CDH12: variants seen among roughly 807,000 people sequenced by gnomAD.
CDH12 encodes cadherin-12.
A neutral mutation model predicts 74.1 loss-of-function variants in CDH12; 41 were observed. That is an observed-to-expected ratio of 0.55 (90% CI 0.43 to 0.72). The LOEUF is 0.72. Ranked by LOEUF, CDH12 falls within the 30% of genes least tolerant of loss-of-function variation. The probability of loss-of-function intolerance (pLI) is 0.00; values close to 1 mark genes in which losing one functional copy is unlikely to be tolerated. For synonymous variants in CDH12, 399 were observed against 355.0 expected (o/e 1.12, Z -1.39); for missense variants, 945 against 977.2 (o/e 0.97, Z 0.44).
At chr5:22,683,344 C>A (rs976092178) in intron 1 of CDH12, among the ~76,000 whole-genome samples, 2 of 151,950 alleles carry the variant, frequency 1.3e-5, no homozygotes, top group Admixed American at 1.3e-4. Context: ...TCAGTCCTCA[C>A]CGGAGGAGAT....
intron 1 of CDH12, among the ~76,000 whole-genome samples, chr5:22,813,139 T>C (rs1207739102): frequency 1.3e-5 from 2 of 152,188 alleles, no homozygotes; most frequent in African/African-American, 4.8e-5. Context: ...AAAATTTGTA[T>C]AAGATTATAA....
intron 6 of CDH12, among the ~76,000 whole-genome samples, chr5:21,901,584 T>G (rs1167333012): frequency 6.6e-6 from 1 of 152,186 alleles, no homozygotes; most frequent in Non-Finnish European, 1.5e-5. Context: ...ATTTCATACC[T>G]GCATAATAAA....
At chr5:22,347,896 C>T (rs111878399) in intron 3 of CDH12, among the ~76,000 whole-genome samples, 8,591 of 152,138 alleles carry the variant, frequency 0.056, 360 homozygotes, top group African/African-American at 0.12. Context: ...TACAGTCATT[C>T]TCCTGAGGTG....
intron 5 of CDH12, among the ~76,000 whole-genome samples, chr5:22,039,024 C>G (rs2150181409): frequency 6.6e-6 from 1 of 152,294 alleles, no homozygotes; most frequent in South Asian, 2.1e-4. Flanking sequence ...CCCCCTGCCA[C>G]TGCCCCAACA....
At chr5:22,517,914 T>A (rs183743058) in intron 1 of CDH12, among the ~76,000 whole-genome samples, 2 of 152,326 alleles carry the variant, frequency 1.3e-5, no homozygotes, top group East Asian at 3.9e-4. Flanking sequence ...AATACATTAA[T>A]GGATTACAAA....
At chr5:22,243,559 G>C (rs1192793237) in intron 3 of CDH12, among the ~76,000 whole-genome samples, 1 of 152,096 alleles carries the variant, frequency 6.6e-6, no homozygotes, top group African/African-American at 2.4e-5. Context: ...TTGAAGACTA[G>C]ATTATTTTAG....
intron 2 of CDH12, among the ~76,000 whole-genome samples, chr5:22,481,351 C>T (rs747455410): frequency 4.6e-5 from 7 of 152,082 alleles, no homozygotes; most frequent in African/African-American, 9.7e-5. Flanking sequence ...TTCCGGTTAT[C>T]GATATTCAGA....
chr5:21,966,262 T>C (rs1271382164), intron 6 of CDH12, among the ~76,000 whole-genome samples: 1 of 151,076 alleles, frequency 6.6e-6, no homozygotes, highest in Non-Finnish European at 1.5e-5. Flanking sequence ...TAATCTCCTC[T>C]CTCAAACTCA....
intron 3 of CDH12, among the ~76,000 whole-genome samples, chr5:22,288,558 T>C (rs937285688): frequency 1.3e-5 from 2 of 152,172 alleles, no homozygotes; most frequent in African/African-American, 4.8e-5. Flanking sequence ...ATCTATATTT[T>C]TGGAAGACAG....
At chr5:22,540,906 CAATT>C (rs538506244) in intron 1 of CDH12, among the ~76,000 whole-genome samples, 264 of 152,214 alleles carry the variant, frequency 1.7e-3, no homozygotes, top group African/African-American at 6.1e-3. Flanking sequence ...GGTAATGGCT[CAATT>C]AATTACCCAC....
In CDH12 at chr5:22,833,886, C is replaced by T. The variant is rs115496179; in HGVS notation, c.-523+19172G>A. 7.5e-3 allele frequency among the ~76,000 whole-genome samples: 1,137 copies of T among 152,124 alleles called. 11 individuals carry two copies. The highest frequency in any genetic ancestry group is 0.026 in the African/African-American group (1,080 of 41,506). ...TATTTTCTAAATCAAACAAAGCCACCGGGAGGAAATAAACTTCCCTTAGAA... is the reference window on the plus strand; with the variant it reads ...TATTTTCTAAATCAAACAAAGCCACTGGGAGGAAATAAACTTCCCTTAGAA... On this transcript the variant is annotated intron_variant, in intron 1 of 14. Transcript: ENST00000382254.
intron 2 of CDH12, among the ~76,000 whole-genome samples, chr5:22,485,952 T>A (rs529065018): frequency 4.4e-4 from 67 of 152,298 alleles, no homozygotes; most frequent in Middle Eastern, 3.4e-3. Context: ...GCATTTCTGG[T>A]CCAATAGTGG....
intron 3 of CDH12, among the ~76,000 whole-genome samples, chr5:22,391,363 C>T (rs1742240853): frequency 6.6e-6 from 1 of 152,038 alleles, no homozygotes; most frequent in South Asian, 2.1e-4. Context: ...GTTAGTAATG[C>T]ATTCATTCAA....
chr5:22,274,339 A>T (rs1473336669), intron 3 of CDH12, among the ~76,000 whole-genome samples: 1 of 152,146 alleles, frequency 6.6e-6, no homozygotes, highest in Non-Finnish European at 1.5e-5. Flanking sequence ...TAATAATTCA[A>T]TTTCACTGAA....
At chr5:21,872,478 T>C (rs890333343) in intron 6 of CDH12, among the ~76,000 whole-genome samples, 10 of 152,212 alleles carry the variant, frequency 6.6e-5, no homozygotes, top group Non-Finnish European at 1.0e-4. Context: ...TTGCCTTCTT[T>C]ATACCTAATG....
chr5:22,668,448 GA>G (rs1222768323), intron 1 of CDH12, among the ~76,000 whole-genome samples: 6 of 152,140 alleles, frequency 3.9e-5, no homozygotes, highest in Non-Finnish European at 7.4e-5. Context: ...ACTGGATAAA[GA>G]AAAGGAATTT....
At chr5:22,839,385 G>C (rs971493385) in intron 1 of CDH12, among the ~76,000 whole-genome samples, 1 of 111,788 alleles carries the variant, frequency 8.9e-6, no homozygotes, top group Admixed American at 1.1e-4. Flanking sequence ...ATGAAGTTTC[G>C]CTCTTGTTGC....
rs541062278 is a variant in CDH12, at chr5:22,344,693, A to T, written c.-333+60564T>A. On this transcript the variant is annotated intron_variant, in intron 3 of 14. Transcript: ENST00000382254. ...TTCTCTGACTCTAAAGCCTTCATTT[A>T]AAAAATAATTAAAAAGCATGAAAGC... Among the ~76,000 whole-genome samples the T allele has an allele frequency of 2.7e-3, 384 of 144,810 alleles. 2 individuals are homozygous for T. The highest frequency in any genetic ancestry group is 0.01 in the African/African-American group (376 of 37,378).
intron 4 of CDH12, among the ~76,000 whole-genome samples, chr5:22,173,525 C>A (rs1749161930): frequency 6.6e-6 from 1 of 150,546 alleles, no homozygotes; most frequent in Non-Finnish European, 1.5e-5. Context: ...GCTTGGATAT[C>A]CTGGACATCC....
Sources: allele counts gnomAD v4.1 joint callset (sites outside exome capture counted in the v4.1 genomes callset), GRCh38; gene constraint gnomAD v4.1.1; transcripts MANE v1.5; gene names NCBI Gene and HGNC (gene_info 2026-07-23, HGNC 2026-07-21).